The following NBEAL1 variants were observed in gnomAD, a reference collection of about 807,000 sequenced individuals.
NBEAL1 encodes neurobeachin-like protein 1.
In NBEAL1, 273 loss-of-function variants were observed where a neutral mutation model predicts 351.3. The observed-to-expected ratio is 0.78, with a 90% CI of 0.70 to 0.86. NBEAL1 has a LOEUF of 0.86. Among genes scored for constraint, NBEAL1 ranks in the 40% least tolerant of loss-of-function variants. The pLI, the probability that NBEAL1 is intolerant of heterozygous loss-of-function variation, is 0.00. For synonymous variants in NBEAL1, 1,050 were observed against 1,086.4 expected (o/e 0.97, Z 0.66); for missense variants, 2,961 against 3,201.3 (o/e 0.92, Z 1.81).
chr2:203,183,469 G>C (rs1371031173), intron 44 of NBEAL1, 81 bp downstream of exon 44: 1 of 781,786 alleles, frequency 1.3e-6, no homozygotes, highest in Non-Finnish European at 2.1e-6. Flanking sequence ...ATCTGACTTA[G>C]TTATTTTTCT....
In NBEAL1 at chr2:203,208,717, C is replaced by G. The variant is rs749184380; in HGVS notation, c.7587C>G (p.Ile2529Met). ...CCAACGAGGTACTGAGTGTCGGCATCAGCACTGAGCTAGACATGGCAGTGT... is the reference window on the plus strand; with the variant it reads ...CCAACGAGGTACTGAGTGTCGGCATGAGCACTGAGCTAGACATGGCAGTGT... ...GHTNEVLSVG[I>M]STELDMAVSG... The change falls in exon 52 of 56, where the codon ATC (isoleucine) becomes ATG (methionine). Residue 2529 changes from isoleucine to methionine, a missense_variant. Physicochemically the swap from Ile to Met is conservative, Grantham distance 10. Coordinates refer to ENST00000683969, the MANE Select transcript of NBEAL1 (RefSeq NM_001378026.1). The G allele has an allele frequency of 6.2e-7, 1 of 1,611,578 alleles. No individual in the cohort carries two copies. Among genetic ancestry groups the G allele is most frequent in the Non-Finnish European group, 8.5e-7 (1 of 1,179,348 alleles).
chr2:203,197,276 G>A (rs1425963269), intron 47 of NBEAL1, 26 bp from the exon 48 acceptor site: 4 of 1,328,590 alleles, frequency 3.0e-6, no homozygotes, highest in Admixed American at 1.7e-5. Flanking sequence ...AGCAGAACCA[G>A]CCACTAAACC....
intron 27 of NBEAL1, among the ~76,000 whole-genome samples, chr2:203,134,820 G>C (rs1216476738): frequency 6.6e-6 from 1 of 152,100 alleles, no homozygotes; most frequent in Non-Finnish European, 1.5e-5. Context: ...TTTAGTTTTT[G>C]TTCTGTTTGT....
intron 51 of NBEAL1, among the ~76,000 whole-genome samples, chr2:203,206,757 C>T (rs1203950688): frequency 6.6e-6 from 1 of 151,982 alleles, no homozygotes; most frequent in Admixed American, 6.6e-5. Context: ...GTGGCATGAT[C>T]TCGGCTCGGT....
chr2:203,083,641 T>C, intron 9 of NBEAL1, 116 bp downstream of exon 9: 2 of 766,534 alleles, frequency 2.6e-6, no homozygotes, highest in East Asian at 5.5e-5. Context: ...AATTCAGATA[T>C]CATATGACTG....
intron 7 of NBEAL1, among the ~76,000 whole-genome samples, chr2:203,075,958 A>G (rs772589877): frequency 2.6e-5 from 4 of 152,190 alleles, no homozygotes; most frequent in African/African-American, 4.8e-5. Flanking sequence ...GGTTACCTCA[A>G]AGCTGTTTCT....
At chr2:203,086,487 T>C (rs1384154137) in intron 10 of NBEAL1, among the ~76,000 whole-genome samples, 2 of 152,200 alleles carry the variant, frequency 1.3e-5, no homozygotes, top group African/African-American at 4.8e-5. Context: ...CTCAAAATTT[T>C]CAAATTTGCC....
intron 26 of NBEAL1, 66 bp downstream of exon 26, chr2:203,132,198 C>A: frequency 9.9e-7 from 1 of 1,014,550 alleles, no homozygotes; most frequent in Non-Finnish European, 1.4e-6. Context: ...TTTTTTCATA[C>A]CTTTCTCAGG....
intron 15 of NBEAL1, 37 bp downstream of exon 15, chr2:203,110,319 G>A (rs2062538127): frequency 6.6e-7 from 1 of 1,517,654 alleles, no homozygotes; most frequent in Admixed American, 2.4e-5. Context: ...CTTCTAGTAT[G>A]GTTAATGGTA....
chr2:203,206,265 C>G (rs541179599), intron 51 of NBEAL1, among the ~76,000 whole-genome samples: 7 of 152,290 alleles, frequency 4.6e-5, no homozygotes, highest in Admixed American at 1.3e-4. Flanking sequence ...ATATATATAC[C>G]TACTGTGTAC....
At chr2:203,021,671 A>G (rs893738367) in intron 2 of NBEAL1, among the ~76,000 whole-genome samples, 2 of 152,152 alleles carry the variant, frequency 1.3e-5, no homozygotes, top group African/African-American at 4.8e-5. Flanking sequence ...CACTTTTAAC[A>G]TACAGTAAGA....
In NBEAL1 at chr2:203,167,310, G is replaced by T; in HGVS notation, c.5947G>T (p.Glu1983Ter). 1 of 1,612,916 alleles carries T rather than the reference G, an allele frequency of 6.2e-7. No individual in the cohort carries two copies. Among genetic ancestry groups the T allele is most frequent in the Non-Finnish European group, 8.5e-7 (1 of 1,179,540 alleles). ...RRYNLRRSAL[E>*]IFHVDQSNYF... ...TTACAATTTAAGAAGATCAGCCCTT[G>T]AGATTTTTCATGTTGACCAATCCAA... Residue 1983 changes from glutamate to a stop codon, truncating the protein, a stop_gained, in exon 38 of 56, where the codon GAG becomes TAG. Coordinates refer to ENST00000683969, the MANE Select transcript of NBEAL1 (RefSeq NM_001378026.1). LOFTEE classifies it high-confidence loss of function.
In NBEAL1 at chr2:203,138,734, A is replaced by G. The variant is rs534330855; in HGVS notation, c.4834A>G (p.Arg1612Gly). The change falls in exon 31 of 56, where the codon AGG (arginine) becomes GGG (glycine). Residue 1612 changes from arginine (R) to glycine (G), a missense_variant. Transcript: ENST00000683969. ...CCAGTTGCTTCTAGGATTCATTGGA[A>G]GGGGTAATTTGCAGGTTTGTCCATT... ...QIQLLLGFIGRGNLQVCAMAS... is the reference protein window; with the variant it reads ...QIQLLLGFIGGGNLQVCAMAS... 1.2e-5 allele frequency: 19 copies of G among 1,611,682 alleles called. No homozygotes were observed. Among genetic ancestry groups the G allele is most frequent in the Non-Finnish European group, 1.6e-5 (19 of 1,179,332 alleles).
At chr2:203,100,047 C>G (rs765408391) in intron 12 of NBEAL1, among the ~76,000 whole-genome samples, 2 of 152,090 alleles carry the variant, frequency 1.3e-5, no homozygotes, top group Admixed American at 6.5e-5. Context: ...GCCTCCAGCT[C>G]CATCCACATT....
At chr2:203,056,369 G>T in intron 4 of NBEAL1, 58 bp from the exon 5 acceptor site, 1 of 898,602 alleles carries the variant, frequency 1.1e-6, no homozygotes, top group South Asian at 1.4e-5. Context: ...CTGAATTCAT[G>T]AACATATGTT....
At chr2:203,158,570 G>A (rs1335782347) in intron 36 of NBEAL1, among the ~76,000 whole-genome samples, 2 of 151,966 alleles carry the variant, frequency 1.3e-5, no homozygotes, top group South Asian at 2.1e-4. Context: ...ACTGTCATAC[G>A]TATTACATTT....
chr2:203,122,273 G>T lies in NBEAL1; in HGVS notation c.2612G>T (p.Cys871Phe). The change falls in exon 19 of 56, where the codon TGT becomes TTT. Residue 871 changes from cysteine to phenylalanine, a missense_variant. By Grantham distance (205) the Cys-to-Phe change is radical. Coordinates refer to ENST00000683969, the MANE Select transcript of NBEAL1 (RefSeq NM_001378026.1). ...TCTTAGGCCTGCAAAAATTCAATCTGTCTTGATTTATCTACTAATTGTTTG... is the reference window on the plus strand; with the variant it reads ...TCTTAGGCCTGCAAAAATTCAATCTTTCTTGATTTATCTACTAATTGTTTG... Reference protein sequence around the residue: ...YTAKACKNSICLDLSTNCLHG... With the variant: ...YTAKACKNSIFLDLSTNCLHG... 3 of 1,540,680 alleles carry T rather than the reference G, an allele frequency of 1.9e-6. No homozygotes were observed. Among genetic ancestry groups the T allele is most frequent in the Non-Finnish European group, 2.6e-6 (3 of 1,143,156 alleles).
At chr2:203,037,576 C>T (rs2061059980) in intron 2 of NBEAL1, among the ~76,000 whole-genome samples, 1 of 149,100 alleles carries the variant, frequency 6.7e-6, no homozygotes, top group Non-Finnish European at 1.5e-5. Flanking sequence ...AAATTTCCAT[C>T]ACCTGGGAAA....
intron 19 of NBEAL1, among the ~76,000 whole-genome samples, chr2:203,125,104 TC>T (rs945443136): frequency 7.2e-5 from 11 of 152,156 alleles, no homozygotes; most frequent in African/African-American, 2.4e-4. Flanking sequence ...ATGTTCGAAA[TC>T]CCTAAAATTT....
Sources: gnomAD v4.1 joint callset for allele counts (sites outside exome capture counted in the v4.1 genomes callset) on GRCh38, gnomAD v4.1.1 for gene constraint, MANE v1.5 for transcripts, NCBI Gene and HGNC (gene_info 2026-07-23, HGNC 2026-07-21) for gene names.